The following CEMIP2 variants were observed in gnomAD, a reference collection of about 807,000 sequenced individuals.
The protein encoded by CEMIP2 is cell migration inducing hyaluronidase 2.
A neutral mutation model predicts 146.9 loss-of-function variants in CEMIP2; 79 were observed. The observed-to-expected ratio is 0.54, with a 90% CI of 0.45 to 0.65. The LOEUF (loss-of-function observed/expected upper bound fraction) is 0.65. Among genes scored for constraint, CEMIP2 ranks in the 30% least tolerant of loss-of-function variants. CEMIP2 has a pLI of 0.00. For synonymous variants in CEMIP2, 601 were observed against 606.3 expected (o/e 0.99, Z 0.13); for missense variants, 1,596 against 1,696.2 (o/e 0.94, Z 1.04).
At chr9:71,721,584 C>A (rs1823233417) in intron 12 of CEMIP2, among the ~76,000 whole-genome samples, 1 of 152,180 alleles carries the variant, frequency 6.6e-6, no homozygotes, top group South Asian at 2.1e-4. Flanking sequence ...CTGCCTCACC[C>A]TGAAGTCAGG....
intron 18 of CEMIP2, among the ~76,000 whole-genome samples, chr9:71,702,997 T>C (rs1316082158): frequency 6.6e-6 from 1 of 152,240 alleles, no homozygotes; most frequent in Non-Finnish European, 1.5e-5. Flanking sequence ...CATTTCTCCA[T>C]CCTCTCTGAC....
intron 17 of CEMIP2, 138 bp from the exon 18 acceptor site, chr9:71,704,941 C>A: frequency 2.8e-6 from 2 of 719,880 alleles, no homozygotes; most frequent in Middle Eastern, 3.7e-4. Flanking sequence ...TGAGCAGCAG[C>A]CAACTACATC....
In CEMIP2 at chr9:71,734,934, T is replaced by G; in HGVS notation, c.1265A>C (p.Asp422Ala). The stretch of plus-strand genomic sequence containing the variant: ...TCCAGGTTTCCAACTACTAACATCA[T>G]CTAGCAAATTTAGCTTCACTCCATC... Reference protein sequence around the residue: ...VVDGVKLNLLDDVSSWKPGDQ... With the variant: ...VVDGVKLNLLADVSSWKPGDQ... Residue 422 changes from aspartate (D) to alanine (A), a missense_variant, in exon 6 of 24, where the codon GAT (aspartate) becomes GCT (alanine). Coordinates refer to ENST00000377044, the MANE Select transcript of CEMIP2 (RefSeq NM_013390.3). The G allele has an allele frequency of 1.2e-6, 2 of 1,613,192 alleles. No individual in the cohort carries two copies. The highest frequency in any genetic ancestry group is 4.5e-5 in the East Asian group (2 of 44,826).
intron 6 of CEMIP2, among the ~76,000 whole-genome samples, chr9:71,733,023 T>C (rs1237814199): frequency 6.6e-6 from 1 of 152,162 alleles, no homozygotes; most frequent in African/African-American, 2.4e-5. Context: ...CTCCAGTTTC[T>C]GTCCATACGC....
intron 2 of CEMIP2, among the ~76,000 whole-genome samples, 160 bp from the exon 3 acceptor site, chr9:71,746,501 A>G (rs545090669): frequency 6.6e-6 from 1 of 152,006 alleles, no homozygotes; most frequent in Non-Finnish European, 1.5e-5. Flanking sequence ...CCACCAGCAG[A>G]GAACCATCTT....
chr9:71,707,181 G>GC (rs1371752884), intron 17 of CEMIP2, among the ~76,000 whole-genome samples: 1 of 152,088 alleles, frequency 6.6e-6, no homozygotes, highest in Admixed American at 6.5e-5. Context: ...TAGTTCCTAG[G>GC]CATTGATGGG....
rs112857963 is a variant in CEMIP2 at position 71,709,488 on chromosome 9, A to G, written c.2770-14T>C. 1 of 1,612,090 alleles carries G rather than the reference A, an allele frequency of 6.2e-7. No individual in the cohort carries two copies. Among genetic ancestry groups the G allele is most frequent in the Non-Finnish European group, 8.5e-7 (1 of 1,178,390 alleles). On this transcript the variant is annotated splice_polypyrimidine_tract_variant and intron_variant, in intron 16 of 23. Coordinates refer to ENST00000377044, the MANE Select transcript of CEMIP2 (RefSeq NM_013390.3). ...ATTCAGAGAGACCTGACCACAGTGA[A>G]AAAGAAAGACATCACAAAGTGAGGG...
intron 1 of CEMIP2, among the ~76,000 whole-genome samples, chr9:71,757,990 T>C (rs1032844648): frequency 7.9e-5 from 12 of 152,330 alleles, no homozygotes; most frequent in East Asian, 3.9e-4. Context: ...ATAACTATTA[T>C]AAAGGTTTTC....
intron 21 of CEMIP2, 35 bp from the exon 22 acceptor site, chr9:71,690,281 C>T: frequency 6.2e-7 from 1 of 1,603,038 alleles, no homozygotes; most frequent in African/African-American, 1.3e-5. Context: ...CTGTCATCAT[C>T]ATTTTGAGAA....
chr9:71,745,658 A>C, intron 3 of CEMIP2, 79 bp from the exon 4 acceptor site: 1 of 1,386,894 alleles, frequency 7.2e-7, no homozygotes, highest in Non-Finnish European at 9.7e-7. Flanking sequence ...ACCTTAAGTT[A>C]AATACACTTC....
chr9:71,696,005 A>G (rs1216390471), intron 20 of CEMIP2, among the ~76,000 whole-genome samples: 1 of 152,196 alleles, frequency 6.6e-6, no homozygotes, highest in Non-Finnish European at 1.5e-5. Context: ...CGATGTTCCC[A>G]GCGACTTCAA....
chr9:71,730,203 T>C lies in CEMIP2; in HGVS notation c.1824A>G (p.Glu608=). 4 of 1,614,218 alleles carry C rather than the reference T, an allele frequency of 2.5e-6. No individual in the cohort carries two copies. The highest frequency in any genetic ancestry group is 3.4e-6 in the Non-Finnish European group (4 of 1,180,048). The part of the protein sequence containing the change: ...FDTLGHCFFL[E]DGIEQRNTLF... ...AAGTATTCCTCTGTTCAATACCATC[T>C]TCCAAAAAGAAACAATGACCTAGTG... Residue 608 remains glutamate, a synonymous_variant, in exon 9 of 24, where the codon GAA becomes GAG. Transcript: ENST00000377044.
intron 1 of CEMIP2, among the ~76,000 whole-genome samples, chr9:71,762,371 C>T (rs1232123242): frequency 6.6e-6 from 1 of 151,952 alleles, no homozygotes; most frequent in East Asian, 1.9e-4. Context: ...CCTGTAGTCC[C>T]ATCCACTTAG....
At chr9:71,723,780 C>T (rs947323433) in intron 11 of CEMIP2, among the ~76,000 whole-genome samples, 12 of 152,024 alleles carry the variant, frequency 7.9e-5, no homozygotes, top group Non-Finnish European at 1.3e-4. Context: ...TGTGTGTGTG[C>T]GCACACATGT....
chr9:71,755,467 G>A (rs1017703736), intron 1 of CEMIP2, among the ~76,000 whole-genome samples: 50 of 152,128 alleles, frequency 3.3e-4, no homozygotes, highest in African/African-American at 1.2e-3. Flanking sequence ...AGGATTGCAT[G>A]AGACCAGTAG....
intron 15 of CEMIP2, among the ~76,000 whole-genome samples, chr9:71,714,091 ACCACT>A (rs1000863781): frequency 2.6e-5 from 4 of 151,948 alleles, no homozygotes; most frequent in Admixed American, 2.6e-4. Context: ...ACTCTGCGCC[ACCACT>A]CCCCAAAGCT....
intron 12 of CEMIP2, among the ~76,000 whole-genome samples, chr9:71,721,201 A>T (rs1249529723): frequency 6.6e-6 from 1 of 152,146 alleles, no homozygotes. Context: ...ATTATAATAA[A>T]TTATATTAGT....
intron 1 of CEMIP2, among the ~76,000 whole-genome samples, chr9:71,757,303 T>C (rs1396418301): frequency 6.6e-6 from 1 of 152,202 alleles, no homozygotes; most frequent in Admixed American, 6.5e-5. Flanking sequence ...GAATGGAAGA[T>C]TCAGGCTTGT....
chr9:71,737,182 G>GA (rs1823785872), intron 5 of CEMIP2, among the ~76,000 whole-genome samples: 2 of 144,822 alleles, frequency 1.4e-5, no homozygotes, highest in South Asian at 2.3e-4. Flanking sequence ...AAGAAAGAAA[G>GA]AAAGAAAAGT....
Sources: gnomAD v4.1 joint callset for allele counts (sites outside exome capture counted in the v4.1 genomes callset) on GRCh38, gnomAD v4.1.1 for gene constraint, MANE v1.5 for transcripts, NCBI Gene and HGNC (gene_info 2026-07-23, HGNC 2026-07-21) for gene names.